Variants in CAB39L observed in about 807,000 individuals in gnomAD.
The protein encoded by CAB39L is calcium binding protein 39 like.
A neutral mutation model predicts 39.1 loss-of-function variants in CAB39L; 23 were observed. The observed-to-expected ratio is 0.59, with a 90% CI of 0.42 to 0.83. The LOEUF (loss-of-function observed/expected upper bound fraction) is 0.83. CAB39L is among the 40% of genes least tolerant of loss of function. The pLI is 0.00. For missense variants in CAB39L, 366 were observed against 391.9 expected (o/e 0.93, Z 0.56); for synonymous variants, 126 against 137.2 (o/e 0.92, Z 0.57).
Position 49,362,668 on chromosome 13 carries a change from G to A in CAB39L, c.277-2836C>T, listed in dbSNP as rs115864324. Among the ~76,000 whole-genome samples, 660 of 151,642 alleles carry A rather than the reference G, an allele frequency of 4.4e-3. 8 individuals carry two copies. The highest frequency in any genetic ancestry group is 0.015 in the African/African-American group (638 of 41,274). On this transcript the variant is annotated intron_variant, in intron 5 of 10. Transcript: ENST00000409308. ...AAAGAGGAGGTAGAAAAAGAGATAG[G>A]GGTAGAAAACTTACTCTAAGAGATA...
rs1248964691 is a variant in CAB39L at position 49,378,261 on chromosome 13, TG to T, written c.112-1131del. Reference sequence around the variant, plus strand: ...GCAGCCACCCCGTCAGGGAGGGAGGTGGGGGGGGGTCAACCCCCCGCCCGGC... The same window carrying T: ...GCAGCCACCCCGTCAGGGAGGGAGGTGGGGGGGGTCAACCCCCCGCCCGGC... On this transcript the variant is annotated intron_variant, in intron 4 of 10. Transcript: ENST00000409308. Among the ~76,000 whole-genome samples the T allele has an allele frequency of 6.5e-4, 49 of 75,272 alleles. 9 individuals carry two copies. The highest frequency in any genetic ancestry group is 1.5e-3 in the African/African-American group (18 of 12,250). 49.4% of individuals were successfully genotyped at this position (75,272 alleles called of 152,430 possible). A position where few individuals can be genotyped will look rare whatever the true frequency, so the allele number is the denominator to read the frequency against.
At chr13:49,429,113 T>C (rs1957283201) in intron 3 of CAB39L, among the ~76,000 whole-genome samples, 3 of 152,296 alleles carry the variant, frequency 2.0e-5, no homozygotes, top group South Asian at 4.1e-4. Flanking sequence ...GCAAATATTA[T>C]TATGTTAGCC....
intron 3 of CAB39L, among the ~76,000 whole-genome samples, chr13:49,406,166 GCTCT>G (rs1956872235): frequency 6.9e-6 from 1 of 144,112 alleles, no homozygotes; most frequent in Non-Finnish European, 1.5e-5. Flanking sequence ...CAATTGGAAT[GCTCT>G]TTTTTTTTTT....
chr13:49,358,721 G>A (rs539839045), intron 6 of CAB39L, among the ~76,000 whole-genome samples: 8 of 152,126 alleles, frequency 5.3e-5, no homozygotes, highest in African/African-American at 1.9e-4. Flanking sequence ...TTAGCCATGC[G>A]TGGTGATGGG....
intron 10 of CAB39L, among the ~76,000 whole-genome samples, chr13:49,315,901 A>G (rs1954145500): frequency 6.9e-6 from 1 of 145,688 alleles, no homozygotes; most frequent in South Asian, 2.2e-4. Flanking sequence ...AAAAAAAAAG[A>G]AAAGAAAAGA....
intron 3 of CAB39L, among the ~76,000 whole-genome samples, chr13:49,390,498 T>C (rs1021671618): frequency 5.9e-5 from 9 of 152,124 alleles, no homozygotes; most frequent in African/African-American, 2.2e-4. Context: ...TAAATATAAA[T>C]CACGTGCAAG....
intron 3 of CAB39L, among the ~76,000 whole-genome samples, chr13:49,407,206 G>T (rs1956899493): frequency 6.6e-6 from 1 of 152,106 alleles, no homozygotes; most frequent in South Asian, 2.1e-4. Context: ...AATATGCAAT[G>T]ATTCTACAGT....
intron 3 of CAB39L, among the ~76,000 whole-genome samples, chr13:49,386,218 G>T (rs896607056): frequency 2.0e-4 from 31 of 152,124 alleles, no homozygotes; most frequent in Admixed American, 2.6e-4. Context: ...ACTTTGCTTG[G>T]TTCTCACTGT....
intron 5 of CAB39L, among the ~76,000 whole-genome samples, chr13:49,360,243 T>C (rs1054460242): frequency 6.6e-6 from 1 of 152,254 alleles, no homozygotes; most frequent in African/African-American, 2.4e-5. Flanking sequence ...TTTAGTAAAA[T>C]GTAGGTTAGA....
chr13:49,346,120 T>TATATCATATC lies in CAB39L; in HGVS notation c.565-1883_565-1882insGATATGATAT, dbSNP rs1555254626. Among the ~76,000 whole-genome samples the TATATCATATC allele has an allele frequency of 1.8e-4, 16 of 88,474 alleles. 1 individual carries two copies. The highest frequency in any genetic ancestry group is 1.3e-4 in the Admixed American group (1 of 7,442). 58.0% of individuals were successfully genotyped at this position (88,474 alleles called of 152,430 possible). A position where few individuals can be genotyped will look rare whatever the true frequency, so the allele number is the denominator to read the frequency against. On this transcript the variant is annotated intron_variant, in intron 7 of 10. Transcript: ENST00000409308. Reference sequence around the variant, plus strand: ...TGCTAGATATATATATATATATATATATATCATGGATACAGCCAATAAACA... The same window carrying TATATCATATC: ...TGCTAGATATATATATATATATATATATATCATATCATATCATGGATACAGCCAATAAACA...
intron 9 of CAB39L, among the ~76,000 whole-genome samples, chr13:49,338,733 T>C (rs1463610491): frequency 2.0e-5 from 3 of 152,206 alleles, no homozygotes; most frequent in African/African-American, 7.2e-5. Flanking sequence ...ATCTGTTTGT[T>C]AGAGGTGATT....
intron 10 of CAB39L, among the ~76,000 whole-genome samples, chr13:49,319,237 T>C (rs1385981776): frequency 6.6e-6 from 1 of 152,082 alleles, no homozygotes; most frequent in Non-Finnish European, 1.5e-5. Context: ...AGCGAGACCC[T>C]GTCTCAAAAA....
intron 10 of CAB39L, among the ~76,000 whole-genome samples, chr13:49,329,984 G>A (rs1288169431): frequency 6.6e-6 from 1 of 152,058 alleles, no homozygotes; most frequent in Non-Finnish European, 1.5e-5. Flanking sequence ...AGTTCCAGGG[G>A]CTAAACGTGA....
chr13:49,434,253 C>A (rs1191510055), intron 1 of CAB39L, 30 bp from the exon 2 acceptor site: 1 of 436,306 alleles, frequency 2.3e-6, no homozygotes, highest in Non-Finnish European at 4.6e-6. Flanking sequence ...ACAGCACAGG[C>A]TTTGGAGTCA....
At chr13:49,389,234 C>G (rs1028456617) in intron 3 of CAB39L, among the ~76,000 whole-genome samples, 2 of 152,288 alleles carry the variant, frequency 1.3e-5, no homozygotes, top group Middle Eastern at 6.8e-3. Context: ...TCCAAAGGAA[C>G]TGAAATCAGT....
At chr13:49,393,368 T>C (rs972506180) in intron 3 of CAB39L, among the ~76,000 whole-genome samples, 1 of 151,928 alleles carries the variant, frequency 6.6e-6, no homozygotes, top group African/African-American at 2.4e-5. Context: ...ATTTCGAAAA[T>C]AGGATAATTA....
intron 9 of CAB39L, among the ~76,000 whole-genome samples, chr13:49,333,568 C>CTTT (rs796079933): frequency 3.2e-4 from 36 of 111,886 alleles, no homozygotes; most frequent in African/African-American, 4.4e-4. Context: ...TTCTTTCTTT[C>CTTT]TTTTTTTTTT....
At chr13:49,340,721 T>C (rs1019390606) in intron 8 of CAB39L, among the ~76,000 whole-genome samples, 7 of 152,202 alleles carry the variant, frequency 4.6e-5, no homozygotes, top group Admixed American at 2.0e-4. Flanking sequence ...TGCAAATACA[T>C]GTATGTGGTA....
chr13:49,416,907 G>A (rs7986610), intron 3 of CAB39L, among the ~76,000 whole-genome samples: 82,850 of 151,972 alleles, frequency 0.55, 22,696 homozygotes, highest in South Asian at 0.64. Flanking sequence ...GAGGTCCTAC[G>A]TATCCTGATG....
Sources: gnomAD v4.1 joint callset for allele counts (sites outside exome capture counted in the v4.1 genomes callset) on GRCh38, gnomAD v4.1.1 for gene constraint, MANE v1.5 for transcripts, NCBI Gene and HGNC (gene_info 2026-07-23, HGNC 2026-07-21) for gene names.